ZNF804B: variants seen among roughly 807,000 people sequenced by gnomAD.
ZNF804B encodes the protein zinc finger 804B.
In ZNF804B, 80 loss-of-function variants were observed where a neutral mutation model predicts 101.4. That is an observed-to-expected ratio of 0.79 (90% CI 0.66 to 0.95). The LOEUF (loss-of-function observed/expected upper bound fraction) is 0.95. Ranked by LOEUF, ZNF804B falls within the 40% of genes least tolerant of loss-of-function variation. The pLI, the probability that ZNF804B is intolerant of heterozygous loss-of-function variation, is 0.00. For missense variants in ZNF804B, 1,673 were observed against 1,561.9 expected, an observed-to-expected ratio of 1.07 and a Z score of -1.20; for synonymous variants, 622 against 558.8, an observed-to-expected ratio of 1.11 and a Z score of -1.59.
At chr7:88,843,772 T>C (rs1365945773) in intron 1 of ZNF804B, among the ~76,000 whole-genome samples, 1 of 151,904 alleles carries the variant, frequency 6.6e-6, no homozygotes, top group Non-Finnish European at 1.5e-5. Context: ...AAATAACAAA[T>C]GAAGACAATG....
intron 2 of ZNF804B, among the ~76,000 whole-genome samples, chr7:89,299,751 G>T (rs1076429): frequency 0.47 from 71,831 of 151,764 alleles, 17,591 homozygotes; most frequent in Middle Eastern, 0.65. Flanking sequence ...GAGACTGAGG[G>T]TTAACTGCTT....
intron 1 of ZNF804B, among the ~76,000 whole-genome samples, chr7:88,778,048 AT>A (rs755266405): frequency 1.3e-5 from 2 of 152,160 alleles, no homozygotes. Flanking sequence ...AGTGAAAAAA[AT>A]AACATAAGTT....
At position 89,335,994 on chromosome 7, in the gene ZNF804B, C is replaced by G. The variant is rs778352372; in HGVS notation, c.3012C>G (p.Asp1004Glu). The G allele has an allele frequency of 2.5e-6, 4 of 1,613,814 alleles. No individual in the cohort carries two copies. Among genetic ancestry groups the G allele is most frequent in the Non-Finnish European group, 3.4e-6 (4 of 1,179,974 alleles). ...CAATTCCAAGGACTACGGAGAAAGA[C>G]AAAAGCAAAAGTTCACACACAAATA... Reference protein sequence around the residue: ...DSAIPRTTEKDKSKSSHTNNF... With the variant: ...DSAIPRTTEKEKSKSSHTNNF... Residue 1004 changes from aspartate (D) to glutamate (E), a missense_variant, in exon 4 of 4, where the codon GAC becomes GAG. Coordinates refer to ENST00000333190, the MANE Select transcript of ZNF804B (RefSeq NM_181646.5).
At chr7:89,202,197 T>A (rs555343477) in intron 1 of ZNF804B, among the ~76,000 whole-genome samples, 1 of 152,232 alleles carries the variant, frequency 6.6e-6, no homozygotes, top group East Asian at 1.9e-4. Flanking sequence ...AAGACAATTT[T>A]AAAAATAATT....
At chr7:88,957,747 A>G (rs908052355) in intron 1 of ZNF804B, among the ~76,000 whole-genome samples, 4 of 151,254 alleles carry the variant, frequency 2.6e-5, no homozygotes, top group Non-Finnish European at 5.9e-5. Flanking sequence ...CTATACTGTT[A>G]TTTTATTGAT....
intron 1 of ZNF804B, among the ~76,000 whole-genome samples, chr7:89,148,266 T>G (rs1411246848): frequency 6.6e-6 from 1 of 152,072 alleles, no homozygotes. Context: ...GTAGACCACC[T>G]CACACATAGT....
intron 1 of ZNF804B, among the ~76,000 whole-genome samples, chr7:88,949,379 A>G (rs539050974): frequency 6.6e-6 from 1 of 151,998 alleles, no homozygotes; most frequent in South Asian, 2.1e-4. Flanking sequence ...TCTCCAGACA[A>G]TGCCAAAAAT....
At position 89,337,732 on chromosome 7, in the gene ZNF804B, A is replaced by G. The variant is rs1791125187; in HGVS notation, c.*700A>G. Among the ~76,000 whole-genome samples the G allele has an allele frequency of 6.6e-6, 1 of 152,128 alleles. No individual in the cohort carries two copies. The highest frequency in any genetic ancestry group is 6.5e-5 in the Admixed American group (1 of 15,278). ...CAAAATCTAAAACTAAGAATGTTTAACTTTTGTATAAAAACATATACAAAC... is the reference window on the plus strand; with the variant it reads ...CAAAATCTAAAACTAAGAATGTTTAGCTTTTGTATAAAAACATATACAAAC... On this transcript the variant is annotated 3_prime_UTR_variant, in exon 4 of 4. Transcript: ENST00000333190.
intron 1 of ZNF804B, among the ~76,000 whole-genome samples, chr7:89,182,102 C>T (rs779579586): frequency 2.0e-5 from 3 of 151,978 alleles, no homozygotes; most frequent in Non-Finnish European, 2.9e-5. Context: ...AGGAAATTAC[C>T]CTTTCTTTAA....
At chr7:89,109,453 A>T (rs1790181784) in intron 1 of ZNF804B, among the ~76,000 whole-genome samples, 1 of 152,182 alleles carries the variant, frequency 6.6e-6, no homozygotes, top group South Asian at 2.1e-4. Context: ...GCAAGCTGTC[A>T]ATTGTCCCAA....
At chr7:88,789,112 A>G (rs1790343472) in intron 1 of ZNF804B, among the ~76,000 whole-genome samples, 1 of 152,132 alleles carries the variant, frequency 6.6e-6, no homozygotes, top group Non-Finnish European at 1.5e-5. Flanking sequence ...CAACTAAACA[A>G]ATAACCAAAA....
intron 1 of ZNF804B, among the ~76,000 whole-genome samples, chr7:88,833,069 C>T (rs959991340): frequency 3.3e-5 from 5 of 151,186 alleles, no homozygotes; most frequent in African/African-American, 9.7e-5. Context: ...TATTTTTTAA[C>T]CTGTTGTAAA....
intron 1 of ZNF804B, among the ~76,000 whole-genome samples, chr7:89,016,375 C>G (rs1788557824): frequency 6.6e-6 from 1 of 150,380 alleles, no homozygotes; most frequent in Non-Finnish European, 1.5e-5. Context: ...GCTTTTGTTG[C>G]CATTGCTTTT....
At chr7:89,331,539 G>T (rs1329211874) in intron 3 of ZNF804B, among the ~76,000 whole-genome samples, 1 of 151,568 alleles carries the variant, frequency 6.6e-6, no homozygotes, top group Non-Finnish European at 1.5e-5. Flanking sequence ...TTTTAAAAAC[G>T]TCTAAATTTA....
intron 1 of ZNF804B, among the ~76,000 whole-genome samples, chr7:88,789,670 G>A (rs1038624569): frequency 1.3e-5 from 2 of 152,050 alleles, no homozygotes; most frequent in African/African-American, 4.8e-5. Context: ...CTTTAATTCT[G>A]CATTAAATTA....
intron 2 of ZNF804B, among the ~76,000 whole-genome samples, chr7:89,225,642 T>TA (rs1340046182): frequency 6.6e-6 from 1 of 152,112 alleles, no homozygotes; most frequent in Non-Finnish European, 1.5e-5. Flanking sequence ...GTGAACAGAG[T>TA]AAATACTGTG....
In ZNF804B at chr7:88,816,023, A is replaced by C. The variant is rs187177351; in HGVS notation, c.108+55939A>C. Among the ~76,000 whole-genome samples, 84 of 152,104 alleles carry C rather than the reference A, an allele frequency of 5.5e-4. 1 individual carries two copies. The highest frequency in any genetic ancestry group is 3.8e-4 in the Non-Finnish European group (26 of 67,982). ...TCTTGCTATCCTACTCCGACTCTAAATATTTCACACCAGGCAATTCCTCCC... is the reference window on the plus strand; with the variant it reads ...TCTTGCTATCCTACTCCGACTCTAACTATTTCACACCAGGCAATTCCTCCC... On this transcript the variant is annotated intron_variant, in intron 1 of 3. Coordinates refer to ENST00000333190, the MANE Select transcript of ZNF804B (RefSeq NM_181646.5).
At chr7:88,794,165 A>G (rs745791103) in intron 1 of ZNF804B, 2 of 1,583,690 alleles carry the variant, frequency 1.3e-6, no homozygotes, top group South Asian at 1.2e-5. Flanking sequence ...ACATGGGCAC[A>G]TTATCCCTCT....
intron 1 of ZNF804B, among the ~76,000 whole-genome samples, chr7:88,939,233 G>T (rs1409949771): frequency 2.0e-5 from 3 of 151,862 alleles, no homozygotes; most frequent in Non-Finnish European, 4.4e-5. Flanking sequence ...TATGACCTGT[G>T]TGCATCCTCC....
Sources: allele counts gnomAD v4.1 joint callset (sites outside exome capture counted in the v4.1 genomes callset), GRCh38; gene constraint gnomAD v4.1.1; transcripts MANE v1.5; gene names NCBI Gene and HGNC (gene_info 2026-07-23, HGNC 2026-07-21).